TSPAN16: variants seen among roughly 807,000 people sequenced by gnomAD.
The protein encoded by TSPAN16 is tetraspanin 16, also known as tetraspanin-16.
Under a neutral mutation model 25.2 loss-of-function variants are expected in TSPAN16, and 23 were observed. That is an observed-to-expected ratio of 0.91 (90% CI 0.66 to 1.29). The LOEUF (loss-of-function observed/expected upper bound fraction) is 1.29, where lower values mean the gene tolerates loss of function less well. TSPAN16 is among the 50% of genes most tolerant of loss of function. The pLI is 0.00. For synonymous variants in TSPAN16, 123 were observed against 124.4 expected, an observed-to-expected ratio of 0.99 and a Z score of 0.08; for missense variants, 272 against 299.9, an observed-to-expected ratio of 0.91 and a Z score of 0.69.
In TSPAN16 at chr19:11,306,644, G is replaced by T; in HGVS notation, c.491G>T (p.Gly164Val). The T allele has an allele frequency of 6.2e-7, 1 of 1,613,668 alleles. No homozygotes were observed. The highest frequency in any genetic ancestry group is 8.5e-7 in the Non-Finnish European group (1 of 1,179,986). ...CGVNNYTDFS[G>V]SSFEMTTGHT... ...GTGAATAACTACACAGATTTTTCTG[G>T]CTCTTCCTTCGAAATGACAACGGGC... is the stretch of plus-strand genomic sequence containing the variant. The change falls in exon 5 of 7, where the codon GGC becomes GTC. Residue 164 changes from glycine to valine, a missense_variant. Coordinates refer to ENST00000590327, the MANE Select transcript of TSPAN16 (RefSeq NM_001282509.2).
chr19:11,317,667 G>C (rs1176287618), downstream of TSPAN16, among the ~76,000 whole-genome samples: 1 of 151,430 alleles, frequency 6.6e-6, no homozygotes, highest in Non-Finnish European at 1.5e-5. Context: ...GCTAATATTT[G>C]TATTTTTAGT....
At chr19:11,311,841 A>G (rs1331495404) in intron 5 of TSPAN16, among the ~76,000 whole-genome samples, 1 of 152,202 alleles carries the variant, frequency 6.6e-6, no homozygotes, top group African/African-American at 2.4e-5. Context: ...CACAGCTAGT[A>G]ATAATCGAGG....
intron 4 of TSPAN16, among the ~76,000 whole-genome samples, chr19:11,304,641 C>T (rs2080605723): frequency 6.6e-6 from 1 of 151,704 alleles, no homozygotes; most frequent in Admixed American, 6.6e-5. Flanking sequence ...TCTCCTGCCT[C>T]AGCCTCCTGA....
chr19:11,298,435 A>ATTTT, intron 2 of TSPAN16, 96 bp downstream of exon 2: 4 of 948,072 alleles, frequency 4.2e-6, no homozygotes, highest in Non-Finnish European at 6.1e-6. Context: ...GGTGTCACCT[A>ATTTT]TTTTTTTTTT....
intron 6 of TSPAN16, chr19:11,322,246 C>T (rs1200044055): frequency 6.6e-6 from 1 of 152,000 alleles, no homozygotes; most frequent in African/African-American, 2.4e-5. Context: ...ATCCCGTTAA[C>T]ACTGAGACCA....
intron 4 of TSPAN16, among the ~76,000 whole-genome samples, chr19:11,303,147 G>A (rs1384453781): frequency 4.0e-5 from 6 of 148,390 alleles, no homozygotes; most frequent in East Asian, 1.9e-4. Context: ...TTGAGAAATC[G>A]GATGGTTGTC....
chr19:11,326,218 T>TC (rs2080811857), intron 6 of TSPAN16, among the ~76,000 whole-genome samples: 4 of 139,454 alleles, frequency 2.9e-5, no homozygotes, highest in African/African-American at 1.2e-4. Context: ...CGAGATTCTA[T>TC]TAAAAAAAAA....
chr19:11,316,086 G>GGTGTGTGTGTGTGTGT (rs147500274), downstream of TSPAN16: 2,273 of 257,486 alleles, frequency 8.8e-3, 86 homozygotes, highest in African/African-American at 0.064. Context: ...AATTATTCTT[G>GGTGTGTGTGTGTGTGT]GTGTGTGTGT....
In TSPAN16 at chr19:11,301,272, C is replaced by T. The variant is rs765375789; in HGVS notation, c.414C>T (p.Asp138=). The change falls in exon 4 of 7, where the codon GAC becomes GAT. Residue 138 remains aspartate, a synonymous_variant. Transcript: ENST00000590327. ...RKNYRGYNEP[D]DYSTQWNLVM... ...ATTACAGAGGTTACAACGAGCCAGA[C>T]GACTATTCTACACAGTGGAACTTGG... The T allele has an allele frequency of 6.9e-5, 111 of 1,613,372 alleles. No homozygotes were observed. The highest frequency in any genetic ancestry group is 9.1e-5 in the Non-Finnish European group (107 of 1,179,888).
chr19:11,318,374 AT>A (rs1193271493), downstream of TSPAN16, among the ~76,000 whole-genome samples: 1 of 151,606 alleles, frequency 6.6e-6, no homozygotes. Context: ...GTTAGCCAGG[AT>A]GGTCTGGATC....
intron 2 of TSPAN16, 83 bp downstream of exon 2, chr19:11,298,422 C>A: frequency 7.3e-7 from 1 of 1,362,648 alleles, no homozygotes; most frequent in Non-Finnish European, 1.0e-6. Context: ...AACAACTTTG[C>A]TTGGTGTCAC....
In TSPAN16 at chr19:11,312,752, G is replaced by A. The variant is rs150321033; in HGVS notation, c.687+530G>A. On this transcript the variant is annotated intron_variant, in intron 6 of 6. Coordinates refer to ENST00000590327, the MANE Select transcript of TSPAN16 (RefSeq NM_001282509.2). ...CACTCCATCCTGAGTGACAGAGTGA[G>A]ATCATGTCACAAAAAAAGATAAAAT... Among the ~76,000 whole-genome samples the A allele has an allele frequency of 1.8e-4, 28 of 152,098 alleles. No individual in the cohort carries two copies. The East Asian group carries it at 5.2e-3, about 28-fold the overall frequency.
At position 11,298,134 on chromosome 19, in the gene TSPAN16, T is replaced by C. The variant is rs759993581; in HGVS notation, c.70-8T>C. On this transcript the variant is annotated splice_region_variant and splice_polypyrimidine_tract_variant and intron_variant, in intron 1 of 6. Transcript: ENST00000590327. ...TACTTTTCTTCCTTTCTGGTTTCTG[T>C]TCTAAAGGTGTCTGGCATCATCCTA... is the stretch of plus-strand genomic sequence containing the variant. 1 of 1,614,050 alleles carries C rather than the reference T, an allele frequency of 6.2e-7. No individual in the cohort carries two copies. Among genetic ancestry groups the C allele is most frequent in the Non-Finnish European group, 8.5e-7 (1 of 1,179,948 alleles).
In TSPAN16 at chr19:11,301,146, G is replaced by C. The variant is rs1015901442; in HGVS notation, c.343-55G>C. 13 of 1,475,648 alleles carry C rather than the reference G, an allele frequency of 8.8e-6. No individual in the cohort carries two copies. The Admixed American group carries it at 2.2e-4, about 25-fold the overall frequency. The allele number at this position is 1,475,648 out of a possible 1,614,324, so 91.4% of individuals were successfully genotyped here. ...TCTATCCTCAAGAACCTCGGCCAATGAACGGGCCACTCTTGCTAGTTGGGG... is the reference window on the plus strand; with the variant it reads ...TCTATCCTCAAGAACCTCGGCCAATCAACGGGCCACTCTTGCTAGTTGGGG... On this transcript the variant is annotated intron_variant, in intron 3 of 6. Coordinates refer to ENST00000590327, the MANE Select transcript of TSPAN16 (RefSeq NM_001282509.2).
At chr19:11,315,968 T>C, downstream of TSPAN16, 3 of 1,227,272 alleles carry the variant, frequency 2.4e-6, no homozygotes, top group Non-Finnish European at 3.0e-6. Flanking sequence ...GGGAACCCCC[T>C]GTCCAGCCTG....
At chr19:11,319,732 G>A (rs2080766552), downstream of TSPAN16, among the ~76,000 whole-genome samples, 1 of 152,196 alleles carries the variant, frequency 6.6e-6, no homozygotes, top group East Asian at 1.9e-4. Flanking sequence ...TTCTTGGGGA[G>A]GGGGGCACCA....
At position 11,298,821 on chromosome 19, in the gene TSPAN16, GGGA is replaced by G. The variant is rs138045783; in HGVS notation, c.268-45_268-43del. On this transcript the variant is annotated intron_variant, in intron 2 of 6. Coordinates refer to ENST00000590327, the MANE Select transcript of TSPAN16 (RefSeq NM_001282509.2). ...CCCCTCACCTGCAGGGTATAAGGTC[GGGA>G]GGAGGCTGAGCAGGCTCCCAGGCCC... 8,531 of 1,561,940 alleles carry G rather than the reference GGGA, an allele frequency of 5.5e-3. 384 individuals carry two copies. In the African/African-American group the frequency reaches 0.098, roughly 18 times the overall value.
Position 11,306,702 on chromosome 19 carries a change from C to T in TSPAN16, c.549C>T (p.Ile183=), listed in dbSNP as rs376389746. ...HTYPRSCCKS[I]GSVSCDGRDV... is the part of the protein sequence containing the mutation. The stretch of plus-strand genomic sequence containing the variant: ...ACCCCAGGAGTTGCTGTAAATCCAT[C>T]GGAAGTGTGTCCTGTGACGGACGCG... Residue 183 remains isoleucine, a synonymous_variant, in exon 5 of 7, where the codon ATC becomes ATT. Coordinates refer to ENST00000590327, the MANE Select transcript of TSPAN16 (RefSeq NM_001282509.2). 11 of 1,613,952 alleles carry T rather than the reference C, an allele frequency of 6.8e-6. No individual in the cohort carries two copies. The highest frequency in any genetic ancestry group is 4.0e-5 in the African/African-American group (3 of 74,908).
chr19:11,302,660 C>CATATATATATTTT (rs1320880788), intron 4 of TSPAN16, among the ~76,000 whole-genome samples: 2 of 97,846 alleles, frequency 2.0e-5, no homozygotes, highest in African/African-American at 1.1e-4. Context: ...TATACACATA[C>CATATATATATTTT]ATATATATAT....
Sources: allele counts gnomAD v4.1 joint callset (sites outside exome capture counted in the v4.1 genomes callset), GRCh38; gene constraint gnomAD v4.1.1; transcripts MANE v1.5; gene names NCBI Gene and HGNC (gene_info 2026-07-23, HGNC 2026-07-21).